The following SLC2A9 variants were observed in gnomAD, a reference collection of about 807,000 sequenced individuals.
SLC2A9 encodes the protein solute carrier family 2, facilitated glucose transporter member 9.
Under a neutral mutation model 50.6 loss-of-function variants are expected in SLC2A9, and 39 were observed. That is an observed-to-expected ratio of 0.77 (90% CI 0.60 to 1.01). The LOEUF (loss-of-function observed/expected upper bound fraction) is 1.01, where lower values mean the gene tolerates loss of function less well. Among genes scored for constraint, SLC2A9 ranks in the 50% least tolerant of loss-of-function variants. The pLI, the probability that SLC2A9 is intolerant of heterozygous loss-of-function variation, is 0.00. For synonymous variants in SLC2A9, 324 were observed against 276.9 expected (o/e 1.17, Z -1.69); for missense variants, 686 against 677.6 (o/e 1.01, Z -0.14).
At chr4:9,793,214 A>C (rs1720183031) in intron 3 of SLC2A9, among the ~76,000 whole-genome samples, 1 of 152,182 alleles carries the variant, frequency 6.6e-6, no homozygotes, top group African/African-American at 2.4e-5. Flanking sequence ...CTGTAAGCAA[A>C]TTTGAAATCT....
At chr4:9,780,463 G>C (rs963949039) in intron 3 of SLC2A9, among the ~76,000 whole-genome samples, 1 of 152,172 alleles carries the variant, frequency 6.6e-6, no homozygotes, top group East Asian at 1.9e-4. Flanking sequence ...GGAAGGGACT[G>C]TGTAGGCTGA....
chr4:9,857,239 G>A (rs921630557), intron 10 of SLC2A9, among the ~76,000 whole-genome samples: 10 of 152,290 alleles, frequency 6.6e-5, no homozygotes, highest in Admixed American at 1.3e-4. Context: ...TGAGGCCATC[G>A]CACCCTCAGT....
At chr4:9,944,423 C>T (rs747125948) in intron 5 of SLC2A9, among the ~76,000 whole-genome samples, 2 of 152,314 alleles carry the variant, frequency 1.3e-5, no homozygotes, top group South Asian at 4.1e-4. Flanking sequence ...AGGCTGTTAT[C>T]AAGTTTATGG....
intron 10 of SLC2A9, among the ~76,000 whole-genome samples, chr4:9,842,240 C>T (rs1728195936): frequency 6.6e-6 from 1 of 152,122 alleles, no homozygotes; most frequent in Admixed American, 6.5e-5. Context: ...TGATTATTAG[C>T]TTTTCAAAGG....
rs1736526525 is a variant in SLC2A9 at position 9,887,625 on chromosome 4, GA to G, written c.1232del (p.Val411AlafsTer4). The G allele has an allele frequency of 6.4e-7, 1 of 1,556,372 alleles. No individual in the cohort carries two copies. The highest frequency in any genetic ancestry group is 1.4e-5 in the African/African-American group (1 of 73,500). ...TLTLQDHAPW[V>X]PYLSIVGILA... Reference sequence around the variant, plus strand: ...GAATGCCCACGATACTCAGGTAGGGGACCCAGGGGGCGTGGTCCTGGGAGAG... The same window carrying G: ...GAATGCCCACGATACTCAGGTAGGGGCCCAGGGGGCGTGGTCCTGGGAGAG... On this transcript the variant is annotated frameshift_variant, in exon 10 of 12. Transcript: ENST00000264784. LOFTEE classifies it high-confidence loss of function.
chr4:9,873,790 C>T (rs749587557), intron 10 of SLC2A9, among the ~76,000 whole-genome samples: 7 of 152,206 alleles, frequency 4.6e-5, no homozygotes, highest in Non-Finnish European at 1.0e-4. Context: ...GCAATAATAA[C>T]TGGTTGTTGT....
At chr4:9,977,927 A>G (rs1287529799) in intron 5 of SLC2A9, among the ~76,000 whole-genome samples, 5 of 152,224 alleles carry the variant, frequency 3.3e-5, no homozygotes, top group African/African-American at 1.2e-4. Flanking sequence ...CATTTGTTGA[A>G]TGACTGGATA....
At chr4:9,970,835 C>G (rs1337528433) in intron 5 of SLC2A9, among the ~76,000 whole-genome samples, 4 of 152,196 alleles carry the variant, frequency 2.6e-5, no homozygotes, top group African/African-American at 9.7e-5. Context: ...AAAACCAGGC[C>G]TGGGCCTGCC....
At chr4:9,907,784 A>G (rs2109974602) in intron 8 of SLC2A9, among the ~76,000 whole-genome samples, 1 of 152,306 alleles carries the variant, frequency 6.6e-6, no homozygotes, top group East Asian at 1.9e-4. Context: ...TCTAGGAAGG[A>G]AATATTCTCT....
intron 8 of SLC2A9, 33 bp downstream of exon 8, chr4:9,908,202 G>T: frequency 7.0e-7 from 1 of 1,425,490 alleles, no homozygotes; most frequent in Non-Finnish European, 9.9e-7. Context: ...AACCCCCTGT[G>T]GCATTCTCAG....
intron 3 of SLC2A9, among the ~76,000 whole-genome samples, chr4:9,986,668 A>G (rs1756776394): frequency 6.6e-6 from 1 of 152,006 alleles, no homozygotes; most frequent in Admixed American, 6.6e-5. Context: ...CTCAGACCCA[A>G]TGGCATCTTA....
intron 3 of SLC2A9, among the ~76,000 whole-genome samples, chr4:9,808,288 C>A (rs1240542174): frequency 6.6e-6 from 1 of 152,212 alleles, no homozygotes; most frequent in South Asian, 2.1e-4. Flanking sequence ...CCCAGTTCAC[C>A]CTGGTACCCT....
intron 10 of SLC2A9, among the ~76,000 whole-genome samples, chr4:9,874,895 C>A (rs62293276): frequency 3.1e-5 from 4 of 127,414 alleles, no homozygotes; most frequent in African/African-American, 1.2e-4. Flanking sequence ...CATAGGTTAG[C>A]GTCTGTCTAA....
intron 10 of SLC2A9, among the ~76,000 whole-genome samples, chr4:9,838,692 A>G (rs1727496057): frequency 6.6e-6 from 1 of 152,236 alleles, no homozygotes; most frequent in East Asian, 1.9e-4. Context: ...GAACCCAGAA[A>G]TAAGACTGTG....
intron 1 of SLC2A9, among the ~76,000 whole-genome samples, chr4:10,033,761 G>T (rs185533179): frequency 6.6e-6 from 1 of 152,280 alleles, no homozygotes; most frequent in African/African-American, 2.4e-5. Flanking sequence ...GGCTGGGGAC[G>T]CTGAGGTGGG....
intron 10 of SLC2A9, among the ~76,000 whole-genome samples, chr4:9,884,670 T>C (rs900098156): frequency 1.1e-4 from 16 of 152,200 alleles, no homozygotes; most frequent in African/African-American, 3.4e-4. Context: ...CATTACTTAG[T>C]ATATACCCAA....
At chr4:10,010,528 C>T (rs1350151604) in intron 2 of SLC2A9, among the ~76,000 whole-genome samples, 1 of 152,124 alleles carries the variant, frequency 6.6e-6, no homozygotes, top group Admixed American at 6.5e-5. Context: ...GTGCTCTTAA[C>T]CTGTGAAGTT....
chr4:9,989,927 C>T (rs1212732666), intron 3 of SLC2A9, among the ~76,000 whole-genome samples: 1 of 151,986 alleles, frequency 6.6e-6, no homozygotes, highest in Non-Finnish European at 1.5e-5. Flanking sequence ...CCCTTGCTTC[C>T]TTCAGTGCTC....
intron 2 of SLC2A9, among the ~76,000 whole-genome samples, chr4:10,005,176 G>T (rs1206793658): frequency 6.6e-6 from 1 of 152,152 alleles, no homozygotes; most frequent in Non-Finnish European, 1.5e-5. Context: ...GAATAAAAAT[G>T]CCATGACAAT....
Sources: gnomAD v4.1 joint callset for allele counts (sites outside exome capture counted in the v4.1 genomes callset) on GRCh38, gnomAD v4.1.1 for gene constraint, MANE v1.5 for transcripts, NCBI Gene and HGNC (gene_info 2026-07-23, HGNC 2026-07-21) for gene names.